ARHGAP28: variants seen among roughly 807,000 people sequenced by gnomAD.
ARHGAP28 encodes the protein rho GTPase-activating protein 28.
Under a neutral mutation model 90.7 loss-of-function variants are expected in ARHGAP28, and 56 were observed. That is an observed-to-expected ratio of 0.62 (90% confidence interval 0.50 to 0.77). The LOEUF (loss-of-function observed/expected upper bound fraction) is 0.77. Among genes scored for constraint, ARHGAP28 ranks in the 30% least tolerant of loss-of-function variants. The pLI is 0.00. For missense variants in ARHGAP28, 869 were observed against 900.9 expected, an observed-to-expected ratio of 0.96 and a Z score of 0.45; for synonymous variants, 308 against 323.3, an observed-to-expected ratio of 0.95 and a Z score of 0.51.
rs184908883 is a variant in ARHGAP28 at position 6,904,587 on chromosome 18, A to G, written c.2031-4373A>G. On this transcript the variant is annotated intron_variant, in intron 16 of 17. Transcript: ENST00000383472. ...TACCCGAAGGAACAAATAAATAAAGATAAGCAGAAATAAGTGAAATTAAAA... is the reference window on the plus strand; with the variant it reads ...TACCCGAAGGAACAAATAAATAAAGGTAAGCAGAAATAAGTGAAATTAAAA... Among the ~76,000 whole-genome samples, 1,257 of 152,272 alleles carry G rather than the reference A, an allele frequency of 8.3e-3. 13 individuals are homozygous for G. The highest frequency in any genetic ancestry group is 0.028 in the African/African-American group (1,171 of 41,564).
At chr18:6,852,958 GA>G (rs2056921978) in intron 4 of ARHGAP28, among the ~76,000 whole-genome samples, 1 of 152,182 alleles carries the variant, frequency 6.6e-6, no homozygotes, top group African/African-American at 2.4e-5. Context: ...GCAATAAGGT[GA>G]TGCCAGGAGG....
chr18:6,870,759 C>T (rs1277779347), intron 7 of ARHGAP28, 27 bp downstream of exon 7: 3 of 1,572,934 alleles, frequency 1.9e-6, no homozygotes, highest in Non-Finnish European at 1.7e-6. Context: ...ATGATTATTC[C>T]AGGAACTTCC....
chr18:6,733,482 AGT>A (rs1322293030), intron 1 of ARHGAP28, among the ~76,000 whole-genome samples: 1 of 152,054 alleles, frequency 6.6e-6, no homozygotes, highest in Non-Finnish European at 1.5e-5. Flanking sequence ...ATTCTAATAG[AGT>A]GTGAGGATGG....
intron 1 of ARHGAP28, among the ~76,000 whole-genome samples, chr18:6,740,869 C>T (rs1007284144): frequency 5.9e-5 from 9 of 152,246 alleles, no homozygotes; most frequent in African/African-American, 2.2e-4. Context: ...GAATTACCAA[C>T]CTGTCGATCC....
At chr18:6,791,832 T>C (rs2056408337) in intron 1 of ARHGAP28, among the ~76,000 whole-genome samples, 1 of 151,880 alleles carries the variant, frequency 6.6e-6, no homozygotes, top group South Asian at 2.1e-4. Flanking sequence ...TTTTTTTTAA[T>C]TTGTGGGTTT....
chr18:6,817,680 C>G (rs543505154), intron 1 of ARHGAP28, among the ~76,000 whole-genome samples: 1 of 152,288 alleles, frequency 6.6e-6, no homozygotes, highest in East Asian at 1.9e-4. Context: ...CTTGGCTTTT[C>G]TCTCATAATG....
At chr18:6,892,215 C>A (rs2057271631) in intron 14 of ARHGAP28, among the ~76,000 whole-genome samples, 1 of 152,218 alleles carries the variant, frequency 6.6e-6, no homozygotes, top group Non-Finnish European at 1.5e-5. Context: ...CTGCAACCAT[C>A]TCGGCTCACT....
chr18:6,730,485 A>C (rs2055871330), intron 1 of ARHGAP28, among the ~76,000 whole-genome samples: 1 of 152,066 alleles, frequency 6.6e-6, no homozygotes, highest in Non-Finnish European at 1.5e-5. Context: ...TTTCAATTGT[A>C]TAAAGGCATT....
intron 1 of ARHGAP28, among the ~76,000 whole-genome samples, chr18:6,803,855 C>T (rs568634355): frequency 9.2e-5 from 14 of 151,954 alleles, no homozygotes; most frequent in African/African-American, 3.1e-4. Flanking sequence ...CTTGGCTCAC[C>T]GCAAGCCCCG....
At chr18:6,855,837 G>A (rs1232646912) in intron 4 of ARHGAP28, among the ~76,000 whole-genome samples, 5 of 152,208 alleles carry the variant, frequency 3.3e-5, no homozygotes, top group Non-Finnish European at 7.3e-5. Context: ...TGGTCCAGCC[G>A]TAGCCTTGTA....
At chr18:6,789,752 A>G (rs936588709) in intron 1 of ARHGAP28, 3 of 152,202 alleles carry the variant, frequency 2.0e-5, no homozygotes, top group African/African-American at 7.2e-5. Context: ...CTCTATTAGT[A>G]TACTTTTGAT....
At chr18:6,736,747 C>CAAAAAAAAAAAAAAAAAAAAAA in intron 1 of ARHGAP28, among the ~76,000 whole-genome samples, 1 of 80,288 alleles carries the variant, frequency 1.2e-5, no homozygotes, top group Non-Finnish European at 2.4e-5. Flanking sequence ...AACTCCATTT[C>CAAAAAAAAAAAAAAAAAAAAAA]AAAAAAAAAA....
chr18:6,807,938 A>T (rs2056530796), intron 1 of ARHGAP28, among the ~76,000 whole-genome samples: 1 of 152,184 alleles, frequency 6.6e-6, no homozygotes, highest in African/African-American at 2.4e-5. Context: ...AACTGGGGCT[A>T]TTGTAGGGCT....
intron 16 of ARHGAP28, among the ~76,000 whole-genome samples, chr18:6,908,256 G>T (rs886184339): frequency 6.6e-6 from 1 of 151,960 alleles, no homozygotes; most frequent in African/African-American, 2.4e-5. Context: ...TCCTGCCTCG[G>T]CCTCCTGGGT....
chr18:6,894,947 C>T lies in ARHGAP28; in HGVS notation c.1905+56C>T, dbSNP rs111858229. 135 of 1,450,866 alleles carry T rather than the reference C, an allele frequency of 9.3e-5. No individual in the cohort carries two copies. In the African/African-American group the frequency reaches 1.0e-3, roughly 11 times the overall value. The allele number at this position is 1,450,866 out of a possible 1,614,324, so 89.9% of individuals were successfully genotyped here. On this transcript the variant is annotated intron_variant, in intron 15 of 17. Coordinates refer to ENST00000383472, the MANE Select transcript of ARHGAP28 (RefSeq NM_001366230.1). The stretch of plus-strand genomic sequence containing the variant: ...TAACTCCCTATATAGTCTTCTCTGG[C>T]GACATCCACCACATTTATGTATAAT...
rs567067254 is a variant in ARHGAP28 at position 6,788,270 on chromosome 18, C to T, written c.123-36492C>T. On this transcript the variant is annotated intron_variant, in intron 1 of 17. Transcript: ENST00000383472. ...CCTTCCTCCTGCTCCGGCCAGGTGA[C>T]GTGCTAGCTCCCCCTTTGCCTTTGG... 4.6e-5 allele frequency among the ~76,000 whole-genome samples: 7 copies of T among 152,166 alleles called. No homozygotes were observed. The East Asian group carries it at 9.7e-4, about 21-fold the overall frequency.
chr18:6,780,488 C>T (rs1438026381), intron 1 of ARHGAP28, among the ~76,000 whole-genome samples: 1 of 152,024 alleles, frequency 6.6e-6, no homozygotes, highest in Non-Finnish European at 1.5e-5. Flanking sequence ...TGGACTTGAG[C>T]ATCGGTGGAA....
intron 4 of ARHGAP28, among the ~76,000 whole-genome samples, chr18:6,855,769 G>A (rs983840701): frequency 3.3e-5 from 5 of 152,144 alleles, no homozygotes; most frequent in African/African-American, 9.7e-5. Context: ...GGATCTCCAG[G>A]CTTCTAGGCA....
chr18:6,736,477 C>T (rs914228925), intron 1 of ARHGAP28, among the ~76,000 whole-genome samples: 1 of 151,968 alleles, frequency 6.6e-6, no homozygotes, highest in African/African-American at 2.4e-5. Flanking sequence ...CAGTGGCTCA[C>T]ACCTGTAATC....
Sources: gnomAD v4.1 joint callset for allele counts (sites outside exome capture counted in the v4.1 genomes callset) on GRCh38, gnomAD v4.1.1 for gene constraint, MANE v1.5 for transcripts, NCBI Gene and HGNC (gene_info 2026-07-23, HGNC 2026-07-21) for gene names.